The following SETD7 variants were observed in gnomAD, a reference collection of about 807,000 sequenced individuals.
SETD7 encodes the protein SET domain containing 7, histone lysine methyltransferase.
A neutral mutation model predicts 41.8 loss-of-function variants in SETD7; 16 were observed. That is an observed-to-expected ratio of 0.38 (90% CI 0.26 to 0.58). The LOEUF is 0.58. SETD7 is among the 20% of genes least tolerant of loss of function. The probability of loss-of-function intolerance (pLI) is 0.64; values close to 1 mark genes in which losing one functional copy is unlikely to be tolerated. For synonymous variants in SETD7, 163 were observed against 169.7 expected (o/e 0.96, Z 0.31); for missense variants, 346 against 459.7 (o/e 0.75, Z 2.26).
At chr4:139,494,003 G>C (rs11730829), downstream of SETD7, among the ~76,000 whole-genome samples, 80,226 of 151,980 alleles carry the variant, frequency 0.53, 23,943 homozygotes, top group East Asian at 0.92. Flanking sequence ...GGCCAAAACT[G>C]AATCTGGTGG....
intron 5 of SETD7, among the ~76,000 whole-genome samples, chr4:139,522,741 C>CTTTTTTTTTTTTTTTTTTTTTTTT (rs11357611): frequency 3.2e-5 from 3 of 93,450 alleles, no homozygotes; most frequent in Non-Finnish European, 1.9e-5. Context: ...CCCAGCTGCT[C>CTTTTTTTTTTTTTTTTTTTTTTTT]TTTTTTTTTT....
At chr4:139,493,890 G>C (rs973329183), downstream of SETD7, among the ~76,000 whole-genome samples, 1 of 152,138 alleles carries the variant, frequency 6.6e-6, no homozygotes, top group African/African-American at 2.4e-5. Flanking sequence ...TGGGTTGGAG[G>C]GTAAGCAATG....
chr4:139,514,664 A>C (rs1387759375), intron 7 of SETD7, among the ~76,000 whole-genome samples: 2 of 152,336 alleles, frequency 1.3e-5, no homozygotes, highest in African/African-American at 2.4e-5. Flanking sequence ...CAATGCATGA[A>C]GAGCATCTAG....
chr4:139,522,412 C>T (rs1727201890), intron 5 of SETD7, among the ~76,000 whole-genome samples: 1 of 152,202 alleles, frequency 6.6e-6, no homozygotes, highest in African/African-American at 2.4e-5. Flanking sequence ...TTTAGCCATC[C>T]TCATAAATAA....
chr4:139,551,334 G>C (rs1300974766), intron 1 of SETD7, among the ~76,000 whole-genome samples: 1 of 152,216 alleles, frequency 6.6e-6, no homozygotes, highest in Non-Finnish European at 1.5e-5. Context: ...TTTTAAGGTT[G>C]CCGGAGCTAA....
rs1160599254 is a variant in SETD7, at chr4:139,510,262, C to G, written c.*1401G>C. The G allele has an allele frequency of 1.3e-5, 2 of 152,112 alleles. No homozygotes were observed. Among genetic ancestry groups the G allele is most frequent in the East Asian group, 3.9e-4 (2 of 5,192 alleles). 9.4% of individuals were successfully genotyped at this position (152,112 alleles called of 1,614,324 possible). On this transcript the variant is annotated 3_prime_UTR_variant, in exon 8 of 8. Coordinates refer to ENST00000274031, the MANE Select transcript of SETD7 (RefSeq NM_030648.4). Reference sequence around the variant, plus strand: ...TACAGATCAGCACAACAGCTGCTCTCCAGTCCTTCCAGCCGCTGCATCGAG... The same window carrying G: ...TACAGATCAGCACAACAGCTGCTCTGCAGTCCTTCCAGCCGCTGCATCGAG...
intron 2 of SETD7, among the ~76,000 whole-genome samples, chr4:139,537,631 G>C (rs1490403457): frequency 1.3e-5 from 2 of 152,022 alleles, no homozygotes; most frequent in Non-Finnish European, 2.9e-5. Context: ...GCCCTTTATG[G>C]GAACAAATTA....
At chr4:139,542,068 C>A (rs566294318) in intron 2 of SETD7, among the ~76,000 whole-genome samples, 1 of 152,094 alleles carries the variant, frequency 6.6e-6, no homozygotes, top group African/African-American at 2.4e-5. Context: ...AAAAACAAAA[C>A]GAAATCCTGT....
At chr4:139,527,348 G>A (rs964817227) in intron 4 of SETD7, among the ~76,000 whole-genome samples, 1 of 152,194 alleles carries the variant, frequency 6.6e-6, no homozygotes, top group Non-Finnish European at 1.5e-5. Flanking sequence ...GAGGCCAGGA[G>A]TTTGAGACCA....
Position 139,511,596 on chromosome 4 carries a change from G to T in SETD7, c.*67C>A. The stretch of plus-strand genomic sequence containing the variant: ...ATGAGCAGTCCCTGGTTGTCCCATT[G>T]TCAGATAAACGTAGTGCATAGATCC... On this transcript the variant is annotated 3_prime_UTR_variant, in exon 8 of 8. Transcript: ENST00000274031. The T allele has an allele frequency of 6.2e-7, 1 of 1,602,138 alleles. No individual in the cohort carries two copies. The highest frequency in any genetic ancestry group is 1.1e-5 in the South Asian group (1 of 88,708).
At chr4:139,525,436 T>G (rs181296315) in intron 4 of SETD7, among the ~76,000 whole-genome samples, 26 of 152,366 alleles carry the variant, frequency 1.7e-4, no homozygotes, top group Admixed American at 1.3e-3. Flanking sequence ...CTCTATAGTA[T>G]GCTATGCCCT....
At chr4:139,498,747 A>G (rs1726513371) in intron 7 of SETD7, among the ~76,000 whole-genome samples, 1 of 152,196 alleles carries the variant, frequency 6.6e-6, no homozygotes. Flanking sequence ...CCTGCCAACC[A>G]GAACTATTTT....
intron 4 of SETD7, among the ~76,000 whole-genome samples, chr4:139,526,438 T>A (rs1349891053): frequency 3.6e-4 from 5 of 14,030 alleles, no homozygotes; most frequent in African/African-American, 1.1e-3. Flanking sequence ...CCCAGCTAAT[T>A]TTTTTTTTTT....
chr4:139,531,814 G>C (rs1727488633), intron 3 of SETD7, among the ~76,000 whole-genome samples: 1 of 152,128 alleles, frequency 6.6e-6, no homozygotes, highest in African/African-American at 2.4e-5. Context: ...TTTTCAGCTT[G>C]GTGTGGTGGC....
chr4:139,536,437 T>C lies in SETD7; in HGVS notation c.171-3071A>G, dbSNP rs375699584. Among the ~76,000 whole-genome samples the C allele has an allele frequency of 3.3e-5, 5 of 151,926 alleles. No individual in the cohort carries two copies. The East Asian group carries it at 1.0e-3, about 31-fold the overall frequency. On this transcript the variant is annotated intron_variant, in intron 2 of 7. Transcript: ENST00000274031. ...ATCAAAAAAGAAAGAAGCCAATGGG[T>C]GCAGTGGCTCATGACTGTAATCCCA...
chr4:139,545,115 G>C (rs1286986100), intron 2 of SETD7, among the ~76,000 whole-genome samples: 1 of 152,104 alleles, frequency 6.6e-6, no homozygotes, highest in Non-Finnish European at 1.5e-5. Context: ...AAAAATTGCA[G>C]TGGAAATGGG....
intron 3 of SETD7, among the ~76,000 whole-genome samples, chr4:139,531,293 T>C (rs1233185116): frequency 6.6e-6 from 1 of 152,232 alleles, no homozygotes; most frequent in Admixed American, 6.5e-5. Flanking sequence ...TTTGATCCCA[T>C]CTAGGGACTT....
At chr4:139,531,970 T>C (rs1168775118) in intron 3 of SETD7, among the ~76,000 whole-genome samples, 1 of 152,146 alleles carries the variant, frequency 6.6e-6, no homozygotes, top group African/African-American at 2.4e-5. Flanking sequence ...GGCCTGTGCC[T>C]GCAATCCCAG....
Position 139,511,641 on chromosome 4 carries a change from CT to C in SETD7, c.*21del, listed in dbSNP as rs756091657. The stretch of plus-strand genomic sequence containing the variant: ...AGATCCAAGTTTCTATTCCAGGTCT[CT>C]GAACCCCAAAGCCAGGCCTTTCACT... On this transcript the variant is annotated 3_prime_UTR_variant, in exon 8 of 8. Transcript: ENST00000274031. 3.1e-6 allele frequency: 5 copies of C among 1,613,392 alleles called. No homozygotes were observed. Among genetic ancestry groups the C allele is most frequent in the Non-Finnish European group, 3.4e-6 (4 of 1,179,914 alleles).
Sources: allele counts gnomAD v4.1 joint callset (sites outside exome capture counted in the v4.1 genomes callset), GRCh38; gene constraint gnomAD v4.1.1; transcripts MANE v1.5; gene names NCBI Gene and HGNC (gene_info 2026-07-23, HGNC 2026-07-21).